Variants in GRID2 observed in about 807,000 individuals in gnomAD.
GRID2 encodes glutamate receptor ionotropic, delta-2.
A neutral mutation model predicts 114.8 loss-of-function variants in GRID2; 33 were observed. The observed-to-expected ratio is 0.29, with a 90% CI of 0.22 to 0.38. The LOEUF (loss-of-function observed/expected upper bound fraction) is 0.38, where lower values mean the gene tolerates loss of function less well. Ranked by LOEUF, GRID2 falls within the 10% of genes least tolerant of loss-of-function variation. GRID2 has a pLI of 1.00. For missense variants in GRID2, 1,184 were observed against 1,257.7 expected, an observed-to-expected ratio of 0.94 and a Z score of 0.89; for synonymous variants, 505 against 449.9, an observed-to-expected ratio of 1.12 and a Z score of -1.55.
At chr4:93,571,946 T>G (rs908214677) in intron 13 of GRID2, among the ~76,000 whole-genome samples, 1 of 152,134 alleles carries the variant, frequency 6.6e-6, no homozygotes, top group African/African-American at 2.4e-5. Context: ...TGGATCAGGC[T>G]TAATCGCAGA....
intron 14 of GRID2, among the ~76,000 whole-genome samples, chr4:93,688,270 A>G (rs1297108383): frequency 6.6e-6 from 1 of 151,788 alleles, no homozygotes; most frequent in Non-Finnish European, 1.5e-5. Context: ...TGATAGAAAG[A>G]TGAGGCACTC....
intron 2 of GRID2, among the ~76,000 whole-genome samples, chr4:92,987,302 C>G (rs145220057): frequency 3.2e-4 from 49 of 152,018 alleles, no homozygotes; most frequent in Non-Finnish European, 6.3e-4. Context: ...TGTTGATAGC[C>G]ACAGCACAAG....
chr4:93,082,670 G>A (rs1729971996), intron 2 of GRID2, among the ~76,000 whole-genome samples: 1 of 152,128 alleles, frequency 6.6e-6, no homozygotes, highest in African/African-American at 2.4e-5. Context: ...GACATTATAT[G>A]CTTTCTGGCT....
chr4:92,524,771 T>A (rs1724966125), intron 1 of GRID2, among the ~76,000 whole-genome samples: 1 of 151,938 alleles, frequency 6.6e-6, no homozygotes, highest in African/African-American at 2.4e-5. Context: ...TATTCACATT[T>A]TCCAGGAATT....
At chr4:93,717,376 CT>C (rs2110184372) in intron 14 of GRID2, among the ~76,000 whole-genome samples, 1 of 151,082 alleles carries the variant, frequency 6.6e-6, no homozygotes, top group African/African-American at 2.4e-5. Flanking sequence ...GGATAACTTT[CT>C]CCCTGATGCC....
intron 2 of GRID2, among the ~76,000 whole-genome samples, chr4:92,936,046 TAAAAA>T (rs913756513): frequency 6.9e-6 from 1 of 144,438 alleles, no homozygotes; most frequent in Non-Finnish European, 1.5e-5. Flanking sequence ...AATAATAAAA[TAAAAA>T]AAAGAAATTT....
chr4:93,008,559 G>A (rs1721800968), intron 2 of GRID2, among the ~76,000 whole-genome samples: 1 of 151,910 alleles, frequency 6.6e-6, no homozygotes, highest in African/African-American at 2.4e-5. Context: ...TAAATATGTG[G>A]GGTTTTCTTC....
intron 1 of GRID2, among the ~76,000 whole-genome samples, chr4:92,358,979 C>T (rs189706408): frequency 5.6e-4 from 85 of 151,960 alleles, no homozygotes; most frequent in African/African-American, 1.9e-3. Flanking sequence ...TCTAAATACA[C>T]AGAAAGCCTT....
At chr4:93,202,224 A>G (rs1009834382) in intron 4 of GRID2, among the ~76,000 whole-genome samples, 2 of 152,134 alleles carry the variant, frequency 1.3e-5, no homozygotes, top group Non-Finnish European at 2.9e-5. Flanking sequence ...TTTAAAATCA[A>G]TATTATTTTA....
At chr4:92,642,039 G>A (rs1283855204) in intron 2 of GRID2, among the ~76,000 whole-genome samples, 2 of 151,184 alleles carry the variant, frequency 1.3e-5, no homozygotes, top group African/African-American at 4.9e-5. Context: ...CCATTGATAG[G>A]CGCCTAGGTT....
chr4:93,678,253 G>C (rs1725119505), intron 14 of GRID2, among the ~76,000 whole-genome samples: 1 of 152,124 alleles, frequency 6.6e-6, no homozygotes, highest in African/African-American at 2.4e-5. Flanking sequence ...AATGAACAAA[G>C]CCTCCAAGAA....
At chr4:92,990,321 G>T (rs1021931389) in intron 2 of GRID2, among the ~76,000 whole-genome samples, 6 of 150,282 alleles carry the variant, frequency 4.0e-5, no homozygotes, top group African/African-American at 1.5e-4. Context: ...GTGTGTGTGT[G>T]TGTGTGTATA....
At chr4:93,458,949 G>A (rs1723458470) in intron 11 of GRID2, among the ~76,000 whole-genome samples, 1 of 152,026 alleles carries the variant, frequency 6.6e-6, no homozygotes, top group Admixed American at 6.5e-5. Flanking sequence ...GGAGGCCGAG[G>A]CAGGCGGATC....
chr4:93,261,812 C>T (rs191653252), intron 8 of GRID2, among the ~76,000 whole-genome samples: 7 of 151,420 alleles, frequency 4.6e-5, no homozygotes, highest in African/African-American at 1.7e-4. Flanking sequence ...ATATTTTAGG[C>T]TTTGTGGGCC....
At chr4:93,788,316 CA>C (rs78420940) in intron 1 of GRID2, among the ~76,000 whole-genome samples, 14 of 143,334 alleles carry the variant, frequency 9.8e-5, no homozygotes, top group South Asian at 4.4e-4. Flanking sequence ...AGACTCCGCT[CA>C]AAAAAAAAAG....
intron 2 of GRID2, among the ~76,000 whole-genome samples, chr4:92,788,774 T>C (rs1201905873): frequency 6.6e-6 from 1 of 151,866 alleles, no homozygotes; most frequent in Non-Finnish European, 1.5e-5. Context: ...TCTTGAAATA[T>C]CTATTTTGAA....
At chr4:92,537,357 C>A (rs1725691917) in intron 1 of GRID2, among the ~76,000 whole-genome samples, 1 of 152,102 alleles carries the variant, frequency 6.6e-6, no homozygotes, top group Non-Finnish European at 1.5e-5. Context: ...TTTTGATCTA[C>A]ATCAGGAATA....
chr4:93,176,829 G>A (rs1739386928), intron 4 of GRID2, among the ~76,000 whole-genome samples: 1 of 152,106 alleles, frequency 6.6e-6, no homozygotes, highest in South Asian at 2.1e-4. Context: ...TCTCTGAAGT[G>A]GGAATATCTC....
intron 2 of GRID2, among the ~76,000 whole-genome samples, chr4:92,616,728 A>C (rs1730021008): frequency 6.6e-6 from 1 of 151,578 alleles, no homozygotes; most frequent in Non-Finnish European, 1.5e-5. Context: ...AGGGACATTG[A>C]ATTTCTTCCT....
Sources: gnomAD v4.1 joint callset for allele counts (sites outside exome capture counted in the v4.1 genomes callset) on GRCh38, gnomAD v4.1.1 for gene constraint, MANE v1.5 for transcripts, NCBI Gene and HGNC (gene_info 2026-07-23, HGNC 2026-07-21) for gene names.